The following ERC2 variants were observed in gnomAD, a reference collection of about 807,000 sequenced individuals.
ERC2 encodes ERC protein 2.
In ERC2, 42 loss-of-function variants were observed where a neutral mutation model predicts 114.8. The observed-to-expected ratio is 0.37, with a 90% CI of 0.29 to 0.47. ERC2 has a LOEUF of 0.47. Among genes scored for constraint, ERC2 ranks in the 20% least tolerant of loss-of-function variants. The probability of loss-of-function intolerance (pLI) is 0.99; values close to 1 mark genes in which losing one functional copy is unlikely to be tolerated. For missense variants in ERC2, 939 were observed against 1,150.7 expected, an observed-to-expected ratio of 0.82 and a Z score of 2.66; for synonymous variants, 454 against 425.5, an observed-to-expected ratio of 1.07 and a Z score of -0.82.
intron 2 of ERC2, among the ~76,000 whole-genome samples, chr3:56,426,992 T>A: frequency 2.6e-5 from 3 of 115,528 alleles, no homozygotes; most frequent in African/African-American, 3.5e-5. Context: ...CAAAACCTCA[T>A]CTCTAAAAAA....
At chr3:56,083,058 G>A (rs2077319635) in intron 6 of ERC2, among the ~76,000 whole-genome samples, 1 of 152,172 alleles carries the variant, frequency 6.6e-6, no homozygotes, top group African/African-American at 2.4e-5. Flanking sequence ...GGGGACTGCT[G>A]ATATAGAAAG....
intron 14 of ERC2, among the ~76,000 whole-genome samples, chr3:55,759,096 C>G (rs1472882072): frequency 6.6e-6 from 1 of 152,152 alleles, no homozygotes; most frequent in Non-Finnish European, 1.5e-5. Context: ...AGAAGCAACT[C>G]TGTTTTATGA....
chr3:55,742,313 G>A (rs989126336), intron 14 of ERC2, among the ~76,000 whole-genome samples: 9 of 152,132 alleles, frequency 5.9e-5, no homozygotes, highest in Admixed American at 2.0e-4. Context: ...CATTGCTGTC[G>A]TTCTATTAAT....
chr3:55,514,346 G>A (rs977727845), intron 17 of ERC2, among the ~76,000 whole-genome samples: 3 of 152,140 alleles, frequency 2.0e-5, no homozygotes, highest in African/African-American at 4.8e-5. Context: ...GCAGTAAGCC[G>A]TGATTGTGCC....
At chr3:56,196,858 C>G (rs980579304) in intron 3 of ERC2, among the ~76,000 whole-genome samples, 7 of 152,118 alleles carry the variant, frequency 4.6e-5, no homozygotes, top group Non-Finnish European at 1.0e-4. Flanking sequence ...CTTTCCAAAA[C>G]AGTGGAGGGG....
chr3:56,460,434 A>G (rs1016336998), intron 1 of ERC2, among the ~76,000 whole-genome samples: 1 of 152,180 alleles, frequency 6.6e-6, no homozygotes, highest in East Asian at 1.9e-4. Context: ...GGCACTAGGG[A>G]TACAGCCAAA....
chr3:55,758,335 A>C (rs1200548695), intron 14 of ERC2, among the ~76,000 whole-genome samples: 1 of 152,100 alleles, frequency 6.6e-6, no homozygotes, highest in Non-Finnish European at 1.5e-5. Context: ...GGGTTCCCCA[A>C]CTCCAAACTA....
intron 17 of ERC2, among the ~76,000 whole-genome samples, chr3:55,597,860 G>A (rs1465997181): frequency 6.6e-6 from 1 of 152,184 alleles, no homozygotes; most frequent in Non-Finnish European, 1.5e-5. Context: ...AGGATTACTT[G>A]TGTTACAATC....
chr3:56,462,653 A>C (rs2063365339), intron 1 of ERC2, among the ~76,000 whole-genome samples: 1 of 152,044 alleles, frequency 6.6e-6, no homozygotes, highest in Non-Finnish European at 1.5e-5. Context: ...TTGAACCCCC[A>C]ATGCTTCTAC....
At chr3:55,545,239 C>T (rs1368143689) in intron 17 of ERC2, among the ~76,000 whole-genome samples, 2 of 152,200 alleles carry the variant, frequency 1.3e-5, no homozygotes, top group Non-Finnish European at 2.9e-5. Context: ...AATAGAACTC[C>T]CTGCGTCAAC....
intron 9 of ERC2, among the ~76,000 whole-genome samples, chr3:56,009,341 C>T (rs1372328646): frequency 6.6e-6 from 1 of 152,168 alleles, no homozygotes; most frequent in African/African-American, 2.4e-5. Context: ...ATATTCATAA[C>T]AAAGAAATAA....
rs1487048526 is a variant in ERC2 at position 56,214,752 on chromosome 3, T to G, written c.1075-41232A>C. The stretch of plus-strand genomic sequence containing the variant: ...TAAGGGCAGCCAGAGAGAAAGGTCA[T>G]GTTACCCACAAAGGGAAGCCCATCA... On this transcript the variant is annotated intron_variant, in intron 3 of 17. Transcript: ENST00000288221. Among the ~76,000 whole-genome samples the G allele has an allele frequency of 9.9e-5, 15 of 151,992 alleles. No individual in the cohort carries two copies. The East Asian group carries it at 1.4e-3, about 14-fold the overall frequency.
intron 13 of ERC2, among the ~76,000 whole-genome samples, chr3:55,932,022 G>A (rs940002048): frequency 6.6e-6 from 1 of 152,136 alleles, no homozygotes. Flanking sequence ...AATTTGTTCT[G>A]TAAATAGAGA....
chr3:56,367,096 C>G (rs1019863010), intron 2 of ERC2, among the ~76,000 whole-genome samples: 4 of 152,184 alleles, frequency 2.6e-5, no homozygotes, highest in African/African-American at 9.7e-5. Flanking sequence ...ACTCTTGCTT[C>G]TTATATGTAC....
At chr3:56,233,960 A>G (rs1266926036) in intron 3 of ERC2, among the ~76,000 whole-genome samples, 1 of 152,186 alleles carries the variant, frequency 6.6e-6, no homozygotes, top group East Asian at 1.9e-4. Context: ...TAGTCTCCTC[A>G]TCTTACAATC....
intron 2 of ERC2, among the ~76,000 whole-genome samples, chr3:56,334,011 G>A (rs894214245): frequency 4.6e-5 from 7 of 152,180 alleles, no homozygotes; most frequent in Non-Finnish European, 8.8e-5. Context: ...TTACCACAGT[G>A]CCTGACACAA....
At chr3:56,167,555 A>G (rs1412100283) in intron 4 of ERC2, among the ~76,000 whole-genome samples, 1 of 152,196 alleles carries the variant, frequency 6.6e-6, no homozygotes, top group Non-Finnish European at 1.5e-5. Flanking sequence ...TCACTTAAAA[A>G]TCACATTTTG....
intron 3 of ERC2, among the ~76,000 whole-genome samples, chr3:56,238,550 A>T (rs1038761998): frequency 7.2e-5 from 11 of 152,188 alleles, no homozygotes; most frequent in South Asian, 2.1e-4. Context: ...CAGTGCTGCC[A>T]CACAGCCTCT....
At chr3:56,322,070 C>A (rs1208651957) in intron 2 of ERC2, among the ~76,000 whole-genome samples, 1 of 152,204 alleles carries the variant, frequency 6.6e-6, no homozygotes, top group African/African-American at 2.4e-5. Context: ...CTAGGTACAT[C>A]CTCAGGTAAA....
Sources: allele counts gnomAD v4.1 joint callset (sites outside exome capture counted in the v4.1 genomes callset), GRCh38; gene constraint gnomAD v4.1.1; transcripts MANE v1.5; gene names NCBI Gene and HGNC (gene_info 2026-07-23, HGNC 2026-07-21).